PTPN21: variants seen among roughly 807,000 people sequenced by gnomAD.
PTPN21 encodes protein tyrosine phosphatase non-receptor type 21.
In PTPN21, 77 loss-of-function variants were observed where a neutral mutation model predicts 131.8. That is an observed-to-expected ratio of 0.58 (90% CI 0.49 to 0.71). The LOEUF (loss-of-function observed/expected upper bound fraction) is 0.71. PTPN21 is among the 30% of genes least tolerant of loss of function. The pLI, the probability that PTPN21 is intolerant of heterozygous loss-of-function variation, is 0.00. For synonymous variants in PTPN21, 715 were observed against 621.3 expected (o/e 1.15, Z -2.24); for missense variants, 1,552 against 1,527.1 (o/e 1.02, Z -0.27).
At chr14:88,518,083 A>G (rs1023802919) in intron 2 of PTPN21, among the ~76,000 whole-genome samples, 2 of 146,596 alleles carry the variant, frequency 1.4e-5, no homozygotes, top group African/African-American at 5.0e-5. Flanking sequence ...AATGATATGC[A>G]AGAGCAATTG....
intron 12 of PTPN21, among the ~76,000 whole-genome samples, chr14:88,483,870 C>G (rs896013421): frequency 6.6e-6 from 1 of 152,076 alleles, no homozygotes; most frequent in African/African-American, 2.4e-5. Flanking sequence ...AGTGGTGGCT[C>G]AGGCCTATAA....
intron 2 of PTPN21, among the ~76,000 whole-genome samples, chr14:88,520,271 G>C (rs1403797385): frequency 6.6e-6 from 1 of 152,108 alleles, no homozygotes; most frequent in Non-Finnish European, 1.5e-5. Context: ...CAAAAAATTA[G>C]CCAGATGTGG....
chr14:88,513,879 T>A (rs2078222885), intron 3 of PTPN21: 1 of 152,252 alleles, frequency 6.6e-6, no homozygotes, highest in African/African-American at 2.4e-5. Flanking sequence ...AGAAGTCTGA[T>A]ACCAATCTTA....
In PTPN21 at chr14:88,528,885, G is replaced by A. The variant is rs139899857; in HGVS notation, c.181-11624C>T. Among the ~76,000 whole-genome samples, 26 of 152,312 alleles carry A rather than the reference G, an allele frequency of 1.7e-4. 1 individual carries two copies. In the East Asian group the frequency reaches 4.6e-3, roughly 27 times the overall value. ...ATCGATCTAGGAGCTTTTTGGATGA[G>A]TCTTAGGGGTTTTCTAGGTATACGT... On this transcript the variant is annotated intron_variant, in intron 2 of 18. Transcript: ENST00000556564.
chr14:88,545,995 TAAAA>T (rs991650692), intron 2 of PTPN21, among the ~76,000 whole-genome samples: 9 of 77,858 alleles, frequency 1.2e-4, no homozygotes, highest in Non-Finnish European at 1.8e-4. Context: ...CTGTCTCAAA[TAAAA>T]AAAAAAAAAA....
chr14:88,469,629 G>T lies in PTPN21; in HGVS notation c.3105C>A (p.Asp1035Glu). Residue 1035 changes from aspartate to glutamate, a missense_variant, in exon 17 of 19, where the codon GAC becomes GAA. This residue lies in a region of PTPN21 where 316 missense variants were observed against 378.5 expected (regional missense o/e 0.83). Transcript: ENST00000556564. The surrounding 1 kb of genome is among the most constrained non-coding windows in gnomAD (Gnocchi z 4.3). ...GGCCTGTGGTGGCATAGCAGCCAGA[G>T]TCTGTGCGGAACCGGGTCGTGATCT... ...RFKITTRFRT[D>E]SGCYATTGLK... is the part of the protein sequence containing the mutation. The T allele has an allele frequency of 6.2e-7, 1 of 1,614,182 alleles. No homozygotes were observed. Among genetic ancestry groups the T allele is most frequent in the Non-Finnish European group, 8.5e-7 (1 of 1,180,038 alleles).
chr14:88,527,012 G>A (rs1289317968), intron 2 of PTPN21, among the ~76,000 whole-genome samples: 1 of 152,142 alleles, frequency 6.6e-6, no homozygotes, highest in East Asian at 1.9e-4. Context: ...TCCATGGTGT[G>A]TGCGTGTTTG....
chr14:88,468,251 C>T lies in PTPN21; in HGVS notation c.3411G>A (p.Pro1137=), dbSNP rs751874557. 4.3e-5 allele frequency: 69 copies of T among 1,605,148 alleles called. No homozygotes were observed. Among genetic ancestry groups the T allele is most frequent in the Middle Eastern group, 1.8e-4 (1 of 5,696 alleles). The change falls in exon 19 of 19, where the codon CCG becomes CCA. Residue 1137 remains proline, a synonymous_variant. Coordinates refer to ENST00000556564, the MANE Select transcript of PTPN21 (RefSeq NM_007039.4). ...CLEHNEVLDI[P]RVLDMLRQQR... is the part of the protein sequence containing the mutation. Reference sequence around the variant, plus strand: ...GTTGCCTCAGCATGTCCAGCACTCTCGGGATGTCCAGCACCTAGGTTGAGA... The same window carrying T: ...GTTGCCTCAGCATGTCCAGCACTCTTGGGATGTCCAGCACCTAGGTTGAGA...
intron 8 of PTPN21, among the ~76,000 whole-genome samples, chr14:88,499,865 C>A (rs1272947088): frequency 6.6e-6 from 1 of 152,170 alleles, no homozygotes; most frequent in African/African-American, 2.4e-5. Flanking sequence ...GTCCAACTTA[C>A]TATCTTTAAG....
At chr14:88,478,892 G>A (rs759416853) in intron 13 of PTPN21, 28 bp downstream of exon 13, 2 of 1,431,728 alleles carry the variant, frequency 1.4e-6, no homozygotes, top group African/African-American at 3.0e-5. Context: ...CGGTCCCCTG[G>A]CCCGGCACTG....
At chr14:88,526,696 G>A (rs1212205161) in intron 2 of PTPN21, among the ~76,000 whole-genome samples, 2 of 151,878 alleles carry the variant, frequency 1.3e-5, no homozygotes, top group Non-Finnish European at 1.5e-5. Flanking sequence ...AACAGGTGGT[G>A]TTTGGTTACA....
intron 2 of PTPN21, among the ~76,000 whole-genome samples, chr14:88,517,497 C>T (rs1027352942): frequency 3.3e-5 from 5 of 151,940 alleles, no homozygotes; most frequent in African/African-American, 1.2e-4. Context: ...ATATCATTTA[C>T]TGAACTCTGA....
chr14:88,492,598 T>C (rs992052750), intron 10 of PTPN21, among the ~76,000 whole-genome samples: 1 of 152,086 alleles, frequency 6.6e-6, no homozygotes, highest in Non-Finnish European at 1.5e-5. Flanking sequence ...CCCGTCCGGG[T>C]GGGCATCCCC....
intron 13 of PTPN21, 57 bp downstream of exon 13, chr14:88,478,863 A>C (rs1171849221): frequency 5.8e-6 from 7 of 1,215,298 alleles, no homozygotes; most frequent in Non-Finnish European, 6.5e-6. Context: ...TGAGTGAAAG[A>C]AGCGCCAGGG....
At chr14:88,549,913 C>A (rs148740466) in intron 2 of PTPN21, among the ~76,000 whole-genome samples, 2,218 of 151,984 alleles carry the variant, frequency 0.015, 36 homozygotes, top group South Asian at 0.066. Context: ...CAGGTGCCCG[C>A]CACCACACCC....
chr14:88,492,529 C>T (rs1191942469), intron 10 of PTPN21, among the ~76,000 whole-genome samples: 1 of 152,184 alleles, frequency 6.6e-6, no homozygotes, highest in Admixed American at 6.5e-5. Context: ...AAACATGGTG[C>T]AGGGGAAGGC....
At chr14:88,522,212 A>G (rs2078404957) in intron 2 of PTPN21, among the ~76,000 whole-genome samples, 1 of 151,982 alleles carries the variant, frequency 6.6e-6, no homozygotes, top group South Asian at 2.1e-4. Flanking sequence ...GGATCACTTG[A>G]GGTCAGGAGT....
intron 1 of PTPN21, among the ~76,000 whole-genome samples, chr14:88,553,743 C>T (rs2078893497): frequency 6.6e-6 from 1 of 151,974 alleles, no homozygotes; most frequent in Non-Finnish European, 1.5e-5. Context: ...TCCCTCTCTA[C>T]AACCCTTTCC....
intron 3 of PTPN21, among the ~76,000 whole-genome samples, chr14:88,510,295 G>A (rs993208421): frequency 2.6e-5 from 4 of 152,292 alleles, no homozygotes; most frequent in African/African-American, 9.6e-5. Flanking sequence ...GATGGAACTC[G>A]TATTTCTTCT....
Sources: allele counts gnomAD v4.1 joint callset (sites outside exome capture counted in the v4.1 genomes callset), GRCh38; gene constraint gnomAD v4.1.1; regional missense constraint gnomAD v4.1.1; non-coding constraint Gnocchi (gnomAD v3.1); transcripts MANE v1.5; gene names NCBI Gene and HGNC (gene_info 2026-07-23, HGNC 2026-07-21).